Variants in CDC14B observed in about 807,000 individuals in gnomAD.
CDC14B encodes dual specificity protein phosphatase CDC14B.
Under a neutral mutation model 64.2 loss-of-function variants are expected in CDC14B, and 22 were observed. That is an observed-to-expected ratio of 0.34 (90% CI 0.24 to 0.49). The LOEUF (loss-of-function observed/expected upper bound fraction) is 0.49. Among genes scored for constraint, CDC14B ranks in the 20% least tolerant of loss-of-function variants. The probability of loss-of-function intolerance (pLI) is 0.99; values close to 1 mark genes in which losing one functional copy is unlikely to be tolerated. For missense variants in CDC14B, 498 were observed against 629.9 expected (o/e 0.79, Z 2.24); for synonymous variants, 191 against 215.8 (o/e 0.89, Z 1.01).
At position 96,509,680 on chromosome 9, in the gene CDC14B, C is replaced by T. The variant is rs748357297; in HGVS notation, c.1453G>A (p.Val485Ile). 5 of 1,589,356 alleles carry T rather than the reference C, an allele frequency of 3.1e-6. No individual in the cohort carries two copies. The South Asian group carries it at 5.5e-5, about 18-fold the overall frequency. ...GTAGGATTCTTTTCTCACCTTTTAA[C>T]ACTGCTTTTCCTTGAAGCAGATCTG... is the stretch of plus-strand genomic sequence containing the variant. ...TTRSASRKSS[V>I]KSLSISRTKT... The change falls in exon 13 of 14, where the codon GTT becomes ATT. Residue 485 changes from valine to isoleucine, a missense_variant. Val to Ile is a conservative substitution (Grantham distance 29, BLOSUM62 3). Coordinates refer to ENST00000375241, the MANE Select transcript of CDC14B (RefSeq NM_033331.4).
chr9:96,529,673 A>G (rs775415803), intron 9 of CDC14B, among the ~76,000 whole-genome samples: 10 of 151,786 alleles, frequency 6.6e-5, no homozygotes, highest in Non-Finnish European at 1.3e-4. Context: ...TGTATTTTTT[A>G]GTAGAGATGG....
At chr9:96,522,747 G>C in intron 11 of CDC14B, 144 bp from the exon 12 acceptor site, 1 of 629,312 alleles carries the variant, frequency 1.6e-6, no homozygotes, top group Non-Finnish European at 2.8e-6. Flanking sequence ...CAAGCTTCAG[G>C]TGACATTTTA....
chr9:96,544,447 G>A (rs1269230507), intron 5 of CDC14B, among the ~76,000 whole-genome samples: 1 of 152,166 alleles, frequency 6.6e-6, no homozygotes, highest in Non-Finnish European at 1.5e-5. Context: ...TGACTGAGCT[G>A]CTTAGAATTA....
chr9:96,518,765 A>T (rs1836161232), intron 12 of CDC14B, among the ~76,000 whole-genome samples: 1 of 152,218 alleles, frequency 6.6e-6, no homozygotes, highest in African/African-American at 2.4e-5. Flanking sequence ...TCAGTTCCTT[A>T]AAGGCAGAAT....
chr9:96,521,401 G>A (rs925694462), intron 12 of CDC14B, among the ~76,000 whole-genome samples: 2 of 152,142 alleles, frequency 1.3e-5, no homozygotes, highest in African/African-American at 4.8e-5. Context: ...TTTTAAAAAA[G>A]TATAGTTGAC....
At chr9:96,531,828 T>C (rs1838533687) in intron 9 of CDC14B, among the ~76,000 whole-genome samples, 1 of 152,196 alleles carries the variant, frequency 6.6e-6, no homozygotes, top group Admixed American at 6.5e-5. Context: ...GTGGTCCTTG[T>C]ATTTGCCTTT....
At chr9:96,603,676 C>T (rs1235229448) in intron 1 of CDC14B, among the ~76,000 whole-genome samples, 4 of 152,228 alleles carry the variant, frequency 2.6e-5, no homozygotes, top group Non-Finnish European at 5.9e-5. Context: ...AAAGCTTGAG[C>T]ATGTTAAATT....
At chr9:96,584,198 C>T (rs967163809) in intron 1 of CDC14B, among the ~76,000 whole-genome samples, 3 of 152,272 alleles carry the variant, frequency 2.0e-5, no homozygotes, top group South Asian at 2.1e-4. Flanking sequence ...ATTGAATGAA[C>T]GACTGTTGAG....
chr9:96,518,790 A>AGT (rs1371467169), intron 12 of CDC14B, among the ~76,000 whole-genome samples: 1 of 152,184 alleles, frequency 6.6e-6, no homozygotes, highest in African/African-American at 2.4e-5. Flanking sequence ...CGAATGTCCA[A>AGT]GTGTCAGCAT....
intron 1 of CDC14B, among the ~76,000 whole-genome samples, chr9:96,616,692 C>T (rs925919009): frequency 2.0e-5 from 3 of 151,598 alleles, no homozygotes; most frequent in Non-Finnish European, 4.4e-5. Flanking sequence ...CCACTGCACA[C>T]CAGCCTGGGC....
In CDC14B at chr9:96,564,758, CA is replaced by C. The variant is rs1843683688; in HGVS notation, c.327+18del. On this transcript the variant is annotated intron_variant, in intron 3 of 13. Transcript: ENST00000375241. Reference sequence around the variant, plus strand: ...TCAAGCTAACAATGATTACTTAAGTCAAATCTTAAAGACTTTACCTTTAATT... The same window carrying C: ...TCAAGCTAACAATGATTACTTAAGTCAATCTTAAAGACTTTACCTTTAATT... 6.7e-7 allele frequency: 1 copy of C among 1,490,078 alleles called. No individual in the cohort carries two copies. The highest frequency in any genetic ancestry group is 9.2e-7 in the Non-Finnish European group (1 of 1,086,492). 92.3% of individuals were successfully genotyped at this position (1,490,078 alleles called of 1,614,324 possible).
chr9:96,509,767 G>C lies in CDC14B; in HGVS notation c.1366C>G (p.Gln456Glu), dbSNP rs781370516. 6.2e-7 allele frequency: 1 copy of C among 1,607,092 alleles called. No individual in the cohort carries two copies. The highest frequency in any genetic ancestry group is 1.1e-5 in the South Asian group (1 of 90,680). Residue 456 changes from glutamine (Q) to glutamate (E), a missense_variant, in exon 13 of 14, where the codon CAG (glutamine) becomes GAG (glutamate). Physicochemically the swap from Gln to Glu is conservative, Grantham distance 29. Coordinates refer to ENST00000375241, the MANE Select transcript of CDC14B (RefSeq NM_033331.4). Reference sequence around the variant, plus strand: ...TTAGGTTCAGATGTTTTACAGCTCTGAACACTGGATTGAAGAATTACTCTG... The same window carrying C: ...TTAGGTTCAGATGTTTTACAGCTCTCAACACTGGATTGAAGAATTACTCTG... ...PLTVILQSSVQSCKTSEPNIS... is the reference protein window; with the variant it reads ...PLTVILQSSVESCKTSEPNIS...
chr9:96,618,794 C>A lies in CDC14B; in HGVS notation c.160+425G>T. ...CCGTGCCAGGCGCGTTCAGCGCGCTCGGGGAATCCTCAGGGGCTGATTCAG... is the reference window on the plus strand; with the variant it reads ...CCGTGCCAGGCGCGTTCAGCGCGCTAGGGGAATCCTCAGGGGCTGATTCAG... On this transcript the variant is annotated intron_variant, in intron 1 of 13. Transcript: ENST00000375241. 4 of 349,594 alleles carry A rather than the reference C, an allele frequency of 1.1e-5. No homozygotes were observed. The East Asian group carries it at 3.5e-4, about 31-fold the overall frequency. 21.7% of individuals were successfully genotyped at this position (349,594 alleles called of 1,614,324 possible).
chr9:96,543,006 T>TCAAAAAA (rs1236235112), intron 5 of CDC14B, among the ~76,000 whole-genome samples: 1 of 141,468 alleles, frequency 7.1e-6, no homozygotes, highest in Non-Finnish European at 1.5e-5. Flanking sequence ...AGACTCTATC[T>TCAAAAAA]CAAAAAACAA....
In CDC14B at chr9:96,619,414, T is replaced by G; in HGVS notation, c.-36A>C. 1 of 1,130,126 alleles carries G rather than the reference T, an allele frequency of 8.8e-7. No individual in the cohort carries two copies. The highest frequency in any genetic ancestry group is 1.1e-6 in the Non-Finnish European group (1 of 923,968). 70.0% of individuals were successfully genotyped at this position (1,130,126 alleles called of 1,614,324 possible). A position where few individuals can be genotyped will look rare whatever the true frequency, so the allele number is the denominator to read the frequency against. Reference sequence around the variant, plus strand: ...GCGGCCCGTCAGGGGGCCACGACCATGGCCCCGCGCGCCCGCGCGCCCGCC... The same window carrying G: ...GCGGCCCGTCAGGGGGCCACGACCAGGGCCCCGCGCGCCCGCGCGCCCGCC... On this transcript the variant is annotated 5_prime_UTR_variant, in exon 1 of 14. The change abolishes an upstream ATG in the 5' untranslated region. Transcript: ENST00000375241.
chr9:96,516,270 C>T (rs1219251541), intron 12 of CDC14B, among the ~76,000 whole-genome samples: 1 of 152,150 alleles, frequency 6.6e-6, no homozygotes, highest in Admixed American at 6.5e-5. Context: ...GATCTCACTT[C>T]AAGGGAGTTA....
chr9:96,583,727 A>T (rs951686328), intron 1 of CDC14B, among the ~76,000 whole-genome samples: 2 of 138,346 alleles, frequency 1.4e-5, no homozygotes, highest in Non-Finnish European at 3.2e-5. Context: ...TTTTATTTTT[A>T]TTTTTTTTTG....
intron 1 of CDC14B, among the ~76,000 whole-genome samples, chr9:96,583,394 A>ATTG (rs1845279092): frequency 2.1e-5 from 3 of 144,840 alleles, no homozygotes; most frequent in Non-Finnish European, 4.5e-5. Context: ...TATTATTATT[A>ATTG]TTATTATTAT....
intron 1 of CDC14B, among the ~76,000 whole-genome samples, chr9:96,570,228 AC>A (rs1844390941): frequency 6.6e-6 from 1 of 152,232 alleles, no homozygotes; most frequent in Admixed American, 6.5e-5. Flanking sequence ...GAAATGAAAA[AC>A]ATTTTCCTGG....
Sources: allele counts gnomAD v4.1 joint callset (sites outside exome capture counted in the v4.1 genomes callset), GRCh38; gene constraint gnomAD v4.1.1; transcripts MANE v1.5; gene names NCBI Gene and HGNC (gene_info 2026-07-23, HGNC 2026-07-21).